The following MYL3 variants were observed in gnomAD, a reference collection of about 807,000 sequenced individuals.
The protein encoded by MYL3 is myosin light chain 3, also known as CMLC1.
A neutral mutation model predicts 21.3 loss-of-function variants in MYL3; 11 were observed. The ratio of observed to expected loss-of-function variants is 0.52; its 90% CI spans 0.32 to 0.85. The LOEUF (loss-of-function observed/expected upper bound fraction) is 0.85, where lower values mean the gene tolerates loss of function less well. Among genes scored for constraint, MYL3 ranks in the 40% least tolerant of loss-of-function variants. The probability of loss-of-function intolerance (pLI) is 0.03; values close to 1 mark genes in which losing one functional copy is unlikely to be tolerated. For missense variants in MYL3, 206 were observed against 253.3 expected, an observed-to-expected ratio of 0.81 and a Z score of 1.27; for synonymous variants, 88 against 91.6, an observed-to-expected ratio of 0.96 and a Z score of 0.22.
At chr3:46,873,097 G>GGT (rs2030001496) in intron 1 of MYL3, among the ~76,000 whole-genome samples, 1 of 152,220 alleles carries the variant, frequency 6.6e-6, no homozygotes, top group Admixed American at 6.5e-5. Flanking sequence ...ATATCATGCC[G>GGT]TGCTAAATTT....
Position 46,858,251 on chromosome 3 carries a change from G to C in MYL3, c.581C>G (p.Ser194Cys). ...NYEAFVKHIM[S>C]S ...CCTACCTGGGCACGAGGTTTAGCTG[G>C]ACATGATGTGCTTCACAAATGCTGG... The change falls in exon 6 of 7, where the codon TCC becomes TGC. Residue 194 changes from serine to cysteine, a missense_variant. Transcript: ENST00000292327. 6.2e-7 allele frequency: 1 copy of C among 1,614,152 alleles called. No individual in the cohort carries two copies. Among genetic ancestry groups the C allele is most frequent in the Non-Finnish European group, 8.5e-7 (1 of 1,180,032 alleles).
Position 46,861,599 on chromosome 3 carries a change from C to T in MYL3, c.130-612G>A, listed in dbSNP as rs1037814394. 6.6e-6 allele frequency among the ~76,000 whole-genome samples: 1 copy of T among 152,172 alleles called. No homozygotes were observed. Among genetic ancestry groups the T allele is most frequent in the Non-Finnish European group, 1.5e-5 (1 of 68,040 alleles). ...CCACTATACCTATTTCTCACACACC[C>T]TGTCCGTAGGTCCCTGGGAAGCTCC... On this transcript the variant is annotated intron_variant, in intron 1 of 6. Coordinates refer to ENST00000292327, the MANE Select transcript of MYL3 (RefSeq NM_000258.3). The surrounding 1 kb of genome is among the most constrained non-coding windows in gnomAD (Gnocchi z 4.2).
intron 1 of MYL3, among the ~76,000 whole-genome samples, chr3:46,873,907 G>A (rs2030044633): frequency 6.6e-6 from 1 of 152,222 alleles, no homozygotes; most frequent in Non-Finnish European, 1.5e-5. Flanking sequence ...CAGACCAGCT[G>A]CCAGTGTCCC....
At chr3:46,858,122 G>C in intron 6 of MYL3, 21 bp from the exon 7 acceptor site, 7 of 1,297,882 alleles carry the variant, frequency 5.4e-6, no homozygotes, top group Non-Finnish European at 7.8e-6. Flanking sequence ...AGGCAGTGCA[G>C]ATTACAGAGG....
At chr3:46,869,537 A>G (rs115453153) in intron 1 of MYL3, among the ~76,000 whole-genome samples, 292 of 152,372 alleles carry the variant, frequency 1.9e-3, no homozygotes, top group African/African-American at 6.8e-3. Context: ...CGAGGTGTGA[A>G]CATGTGTGAC....
rs2030004401 is a variant in MYL3, at chr3:46,873,154, A to G, written c.-217-6554T>C. Among the ~76,000 whole-genome samples, 3 of 152,338 alleles carry G rather than the reference A, an allele frequency of 2.0e-5. No homozygotes were observed. In the South Asian group the frequency reaches 6.2e-4, roughly 32 times the overall value. Reference sequence around the variant, plus strand: ...GAGGTCTCACTCTGCTGGGAGTTGAAAGGTGCAGATCCAGGAAGGCTTCAG... The same window carrying G: ...GAGGTCTCACTCTGCTGGGAGTTGAGAGGTGCAGATCCAGGAAGGCTTCAG... On this transcript the variant is annotated intron_variant, in intron 1 of 3. Transcript: ENST00000431168.
intron 1 of MYL3, among the ~76,000 whole-genome samples, chr3:46,881,493 G>A (rs1336453599): frequency 6.6e-6 from 1 of 152,152 alleles, no homozygotes; most frequent in African/African-American, 2.4e-5. Flanking sequence ...TCTGGATTGA[G>A]CCCCAGGTCT....
In MYL3 at chr3:46,858,541, A is replaced by C. The variant is rs1273421302; in HGVS notation, c.482-80T>G. ...GGGGGCACCCACTGAATCCCTCTAG[A>C]TGGTGGCTCAACCTCTCCAGTATTC... On this transcript the variant is annotated intron_variant, in intron 4 of 6. Transcript: ENST00000292327. The C allele has an allele frequency of 1.6e-5, 22 of 1,400,292 alleles. No homozygotes were observed. The Admixed American group carries it at 3.0e-4, about 19-fold the overall frequency. 86.7% of individuals were successfully genotyped at this position (1,400,292 alleles called of 1,614,324 possible).
chr3:46,863,802 A>G (rs1702018447), upstream of MYL3, among the ~76,000 whole-genome samples: 1 of 152,202 alleles, frequency 6.6e-6, no homozygotes, highest in Non-Finnish European at 1.5e-5. Context: ...TGGACCAAGT[A>G]CATGCTACGT....
rs1441378188 is a variant in MYL3 at position 46,860,450 on chromosome 3, C to T, written c.307+226G>A. ...TCTCACTTCTCCATAGGTGTCAGCG[C>T]CTACCACCAGGGGGCCTGGCAAATC... is the stretch of plus-strand genomic sequence containing the variant. On this transcript the variant is annotated intron_variant, in intron 3 of 6. Coordinates refer to ENST00000292327, the MANE Select transcript of MYL3 (RefSeq NM_000258.3). This position sits in a 1 kb window ranked among gnomAD's most constrained non-coding sequence, Gnocchi z 4.6. Among the ~76,000 whole-genome samples the T allele has an allele frequency of 3.3e-5, 5 of 152,222 alleles. No homozygotes were observed. Among genetic ancestry groups the T allele is most frequent in the African/African-American group, 1.2e-4 (5 of 41,458 alleles).
Position 46,874,671 on chromosome 3 carries a change from G to A in MYL3, c.-218+7403C>T, listed in dbSNP as rs1485254370. ...AATAGCAGCAGCGGGAGCCCATGCA[G>A]GGAGAGGCGGAAACACGTGTCAAAC... On this transcript the variant is annotated intron_variant, in intron 1 of 3. Transcript: ENST00000431168. This position sits in a 1 kb window ranked among gnomAD's most constrained non-coding sequence, Gnocchi z 4.1. Among the ~76,000 whole-genome samples the A allele has an allele frequency of 6.6e-6, 1 of 152,246 alleles. No homozygotes were observed. The highest frequency in any genetic ancestry group is 1.5e-5 in the Non-Finnish European group (1 of 68,048).
rs545327315 is a variant in MYL3 at position 46,861,782 on chromosome 3, G to A, written c.130-795C>T. 2.6e-5 allele frequency among the ~76,000 whole-genome samples: 4 copies of A among 152,194 alleles called. No individual in the cohort carries two copies. The highest frequency in any genetic ancestry group is 1.3e-4 in the Admixed American group (2 of 15,298). On this transcript the variant is annotated intron_variant, in intron 1 of 6. Transcript: ENST00000292327. The surrounding 1 kb of genome is among the most constrained non-coding windows in gnomAD (Gnocchi z 4.2). ...TCTATTTTTATCACTGCAGTCACTC[G>A]CCCCAAGGTCAAGGTCACACAAGGG... is the stretch of plus-strand genomic sequence containing the variant.
intron 1 of MYL3, among the ~76,000 whole-genome samples, chr3:46,875,985 C>G (rs1007578422): frequency 2.0e-5 from 3 of 152,252 alleles, no homozygotes; most frequent in Admixed American, 6.5e-5. Context: ...GACTTGCCCC[C>G]CAGAGCCCTG....
chr3:46,868,951 G>A (rs565942015), intron 1 of MYL3, among the ~76,000 whole-genome samples: 4 of 152,362 alleles, frequency 2.6e-5, no homozygotes, highest in East Asian at 1.9e-4. Context: ...GGTGAGGTTC[G>A]GGATACCGGG....
chr3:46,881,363 G>A (rs933737727), intron 1 of MYL3, among the ~76,000 whole-genome samples: 17 of 152,034 alleles, frequency 1.1e-4, no homozygotes, highest in Non-Finnish European at 2.4e-4. Context: ...CCCAACCCCC[G>A]CGGACTCCTC....
Position 46,859,639 on chromosome 3 carries a change from G to T in MYL3, c.317C>A (p.Thr106Asn), listed in dbSNP as rs757333002. ...LGKPRQEELNTKMMDFETFLP... is the reference protein window; with the variant it reads ...LGKPRQEELNNKMMDFETFLP... ...GAAAGTTTCAAAGTCCATCATCTTGGTATTGAGCTCTGCAGAGAAATGGTC... is the reference window on the plus strand; with the variant it reads ...GAAAGTTTCAAAGTCCATCATCTTGTTATTGAGCTCTGCAGAGAAATGGTC... The change falls in exon 4 of 7, where the codon ACC becomes AAC. Residue 106 changes from threonine (T) to asparagine (N), a missense_variant. Transcript: ENST00000292327. The surrounding 1 kb of genome is among the most constrained non-coding windows in gnomAD (Gnocchi z 4.1). The T allele has an allele frequency of 1.2e-6, 2 of 1,614,162 alleles. No homozygotes were observed. The highest frequency in any genetic ancestry group is 2.2e-5 in the East Asian group (1 of 44,878).
rs1701965396 is a variant in MYL3, at chr3:46,859,355, C to T, written c.481+120G>A. On this transcript the variant is annotated intron_variant, in intron 4 of 6. Transcript: ENST00000292327. The surrounding 1 kb of genome is among the most constrained non-coding windows in gnomAD (Gnocchi z 4.1). ...ACATTTCTGTTGTCTGCCATTGAGG[C>T]TCCCTAATTATGTAACTCTCTCCAT... 4.6e-6 allele frequency: 6 copies of T among 1,298,950 alleles called. No individual in the cohort carries two copies. The highest frequency in any genetic ancestry group is 6.6e-6 in the Non-Finnish European group (6 of 912,622). The allele number at this position is 1,298,950 out of a possible 1,614,324, so 80.5% of individuals were successfully genotyped here. A position where few individuals can be genotyped will look rare whatever the true frequency, so the allele number is the denominator to read the frequency against.
chr3:46,870,700 G>A lies in MYL3; in HGVS notation c.-217-4100C>T, dbSNP rs1375867776. 1.1e-4 allele frequency among the ~76,000 whole-genome samples: 16 copies of A among 152,074 alleles called. No individual in the cohort carries two copies. The East Asian group carries it at 1.3e-3, about 13-fold the overall frequency. The stretch of plus-strand genomic sequence containing the variant: ...GTGTGGCTATGTCTGAAACACACAC[G>A]CACTATCCCCAGGCAGGCTAACCCA... On this transcript the variant is annotated intron_variant, in intron 1 of 3. Transcript: ENST00000431168.
At chr3:46,881,147 A>G (rs2030531414) in intron 1 of MYL3, 1 of 152,260 alleles carries the variant, frequency 6.6e-6, no homozygotes. Context: ...GCTGTTGCTT[A>G]GCCCAGACTC....
Sources: allele counts gnomAD v4.1 joint callset (sites outside exome capture counted in the v4.1 genomes callset), GRCh38; gene constraint gnomAD v4.1.1; non-coding constraint Gnocchi (gnomAD v3.1); transcripts MANE v1.5; gene names NCBI Gene and HGNC (gene_info 2026-07-23, HGNC 2026-07-21).